The following APP variants were observed in gnomAD, a reference collection of about 807,000 sequenced individuals.
APP encodes the protein amyloid beta precursor protein.
APP carries 31 observed loss-of-function variants against 101.4 expected under a neutral mutation model. The observed-to-expected ratio is 0.31, with a 90% CI of 0.23 to 0.41. APP has a LOEUF of 0.41. Among genes scored for constraint, APP ranks in the 10% least tolerant of loss-of-function variants. APP has a pLI of 1.00. For missense variants in APP, 839 were observed against 1,003.7 expected (o/e 0.84, Z 2.22); for synonymous variants, 366 against 364.4 (o/e 1.00, Z -0.05).
intron 13 of APP, among the ~76,000 whole-genome samples, chr21:25,924,432 A>G (rs2039789519): frequency 1.0e-5 from 1 of 97,194 alleles, no homozygotes; most frequent in African/African-American, 3.1e-5. Flanking sequence ...AAAAAAGGAA[A>G]AAAAAAAAGG....
At position 25,880,909 on chromosome 21, in the gene APP, T is replaced by A. The variant is rs1387831172; in HGVS notation, c.*761A>T. 6.5e-6 allele frequency: 1 copy of A among 152,756 alleles called. No individual in the cohort carries two copies. Among genetic ancestry groups the A allele is most frequent in the East Asian group, 1.9e-4 (1 of 5,202 alleles). 9.5% of individuals were successfully genotyped at this position (152,756 alleles called of 1,614,324 possible). ...GCAGAAAATTGTTTTGGAGAATTCT[T>A]GGTAATTGAAGACCAGCAGAGCACC... On this transcript the variant is annotated 3_prime_UTR_variant, in exon 18 of 18. Transcript: ENST00000346798.
At chr21:25,945,098 A>G (rs1423234375) in intron 13 of APP, among the ~76,000 whole-genome samples, 4 of 152,232 alleles carry the variant, frequency 2.6e-5, no homozygotes, top group East Asian at 1.9e-4. Flanking sequence ...AAAGAATGGC[A>G]TAAAAACAGA....
chr21:26,000,407 G>A (rs1398314168), intron 6 of APP, among the ~76,000 whole-genome samples: 1 of 152,206 alleles, frequency 6.6e-6, no homozygotes, highest in Admixed American at 6.5e-5. Flanking sequence ...GCAGGACTCG[G>A]TAGCAATAAA....
At chr21:25,903,934 C>G (rs143452843) in intron 15 of APP, among the ~76,000 whole-genome samples, 60 of 152,282 alleles carry the variant, frequency 3.9e-4, no homozygotes, top group Middle Eastern at 3.4e-3. Context: ...TCATCAGTGA[C>G]CGTGCTTGGA....
chr21:25,952,529 G>C (rs184765088), intron 13 of APP, among the ~76,000 whole-genome samples: 2 of 152,282 alleles, frequency 1.3e-5, no homozygotes, highest in East Asian at 3.9e-4. Flanking sequence ...TTCTGTGGAA[G>C]TGTGACTAAT....
intron 14 of APP, 72 bp from the exon 15 acceptor site, chr21:25,905,149 A>C: frequency 7.6e-7 from 1 of 1,314,070 alleles, no homozygotes; most frequent in Non-Finnish European, 1.1e-6. Flanking sequence ...GCTCCCAAAC[A>C]TAGTCGAGCA....
rs549666751 is a variant in APP, at chr21:26,011,903, T to C, written c.865+9937A>G. On this transcript the variant is annotated intron_variant, in intron 6 of 17. Coordinates refer to ENST00000346798, the MANE Select transcript of APP (RefSeq NM_000484.4). Reference sequence around the variant, plus strand: ...AGAAATTATACCCAATAAGAACATATATAAATTTAAGAAAGAGGCAACCCT... The same window carrying C: ...AGAAATTATACCCAATAAGAACATACATAAATTTAAGAAAGAGGCAACCCT... 5.9e-5 allele frequency among the ~76,000 whole-genome samples: 9 copies of C among 152,260 alleles called. No individual in the cohort carries two copies. In the East Asian group the frequency reaches 1.2e-3, roughly 20 times the overall value.
intron 13 of APP, among the ~76,000 whole-genome samples, chr21:25,913,754 ATCTTC>A (rs2039199245): frequency 6.6e-6 from 1 of 152,124 alleles, no homozygotes; most frequent in South Asian, 2.1e-4. Flanking sequence ...CACAGTACTT[ATCTTC>A]TTCCCTGTGA....
At chr21:26,115,114 T>G (rs552334567) in intron 1 of APP, among the ~76,000 whole-genome samples, 1 of 152,360 alleles carries the variant, frequency 6.6e-6, no homozygotes, top group East Asian at 1.9e-4. Context: ...AATAAATGTT[T>G]GGAGAATCGT....
At chr21:25,926,631 C>A (rs908106293) in intron 13 of APP, among the ~76,000 whole-genome samples, 1 of 152,188 alleles carries the variant, frequency 6.6e-6, no homozygotes, top group Non-Finnish European at 1.5e-5. Context: ...AGTGGCAGAA[C>A]TGAAATCTGA....
chr21:26,063,060 A>G (rs1399086175), intron 3 of APP, among the ~76,000 whole-genome samples: 1 of 152,208 alleles, frequency 6.6e-6, no homozygotes, highest in Non-Finnish European at 1.5e-5. Flanking sequence ...CACTGTACCC[A>G]GCCTGGGTTA....
intron 13 of APP, among the ~76,000 whole-genome samples, chr21:25,952,955 C>G (rs911064516): frequency 6.6e-6 from 1 of 152,178 alleles, no homozygotes; most frequent in Non-Finnish European, 1.5e-5. Context: ...AAACTTGATA[C>G]AGTGAAAAAT....
intron 13 of APP, chr21:25,928,763 T>TTC (rs1295045293): frequency 1.3e-5 from 2 of 151,540 alleles, no homozygotes; most frequent in Admixed American, 1.3e-4. Flanking sequence ...CTTTTTTTTT[T>TTC]TTTTAACTGG....
At chr21:25,893,709 G>A (rs9981915) in intron 16 of APP, among the ~76,000 whole-genome samples, 58,593 of 152,090 alleles carry the variant, frequency 0.39, 11,557 homozygotes, top group South Asian at 0.45. Flanking sequence ...AGGTTTAAGG[G>A]AAGAAGCCAT....
At chr21:25,938,449 A>G (rs924139008) in intron 13 of APP, among the ~76,000 whole-genome samples, 8 of 152,054 alleles carry the variant, frequency 5.3e-5, no homozygotes, top group Non-Finnish European at 1.0e-4. Flanking sequence ...GAAAATGACA[A>G]TGTCTGTCAT....
chr21:26,111,868 A>C (rs1176023377), intron 2 of APP, 111 bp downstream of exon 2: 5 of 1,165,844 alleles, frequency 4.3e-6, no homozygotes, highest in Non-Finnish European at 6.4e-6. Flanking sequence ...ATTAGGAACC[A>C]AGATTTTTAC....
chr21:25,894,904 C>G (rs958445084), intron 16 of APP, among the ~76,000 whole-genome samples: 2 of 152,160 alleles, frequency 1.3e-5, no homozygotes, highest in Admixed American at 6.5e-5. Flanking sequence ...TCAATCGATG[C>G]AGCAAACTTC....
At chr21:26,044,948 C>T (rs1416765636) in intron 5 of APP, among the ~76,000 whole-genome samples, 2 of 152,190 alleles carry the variant, frequency 1.3e-5, no homozygotes, top group Non-Finnish European at 2.9e-5. Context: ...CATTAACCAT[C>T]ATTGCTAAAA....
intron 8 of APP, among the ~76,000 whole-genome samples, chr21:25,987,324 C>T (rs1047833422): frequency 2.0e-5 from 3 of 152,152 alleles, no homozygotes; most frequent in Non-Finnish European, 4.4e-5. Flanking sequence ...GTATGTTCCC[C>T]CCTCCACAAA....
Sources: gnomAD v4.1 joint callset for allele counts (sites outside exome capture counted in the v4.1 genomes callset) on GRCh38, gnomAD v4.1.1 for gene constraint, MANE v1.5 for transcripts, NCBI Gene and HGNC (gene_info 2026-07-23, HGNC 2026-07-21) for gene names.